INPP5A: variants seen among roughly 807,000 people sequenced by gnomAD.
The protein encoded by INPP5A is 43 kDa inositol polyphosphate 5-phophatase.
Under a neutral mutation model 65.2 loss-of-function variants are expected in INPP5A, and 14 were observed. The observed-to-expected ratio is 0.21, with a 90% CI of 0.14 to 0.34. INPP5A has a LOEUF of 0.34. Ranked by LOEUF, INPP5A falls within the 10% of genes least tolerant of loss-of-function variation. The pLI is 1.00. For synonymous variants in INPP5A, 207 were observed against 208.3 expected (o/e 0.99, Z 0.05); for missense variants, 431 against 545.6 (o/e 0.79, Z 2.09).
At chr10:132,759,770 C>T (rs1024587979) in intron 11 of INPP5A, among the ~76,000 whole-genome samples, 7 of 152,222 alleles carry the variant, frequency 4.6e-5, no homozygotes, top group East Asian at 1.9e-4. Context: ...GCAGGAGCCC[C>T]GGCCCCATGC....
intron 6 of INPP5A, among the ~76,000 whole-genome samples, chr10:132,703,704 T>TC (rs1384330490): frequency 4.6e-5 from 3 of 65,312 alleles, no homozygotes; most frequent in Admixed American, 2.4e-4. Flanking sequence ...ACATGCGGCT[T>TC]CACCCCCCCC....
chr10:132,709,382 G>A (rs1395460159), intron 7 of INPP5A, among the ~76,000 whole-genome samples: 4 of 132,470 alleles, frequency 3.0e-5, no homozygotes. Context: ...TGGGGAGGGG[G>A]AAGAGAGGAG....
intron 1 of INPP5A, among the ~76,000 whole-genome samples, chr10:132,573,981 G>A (rs13377163): frequency 1.6e-5 from 2 of 127,318 alleles, no homozygotes; most frequent in South Asian, 2.7e-4. Context: ...TGAGATGTTG[G>A]GGTGTACGTG....
Position 132,555,357 on chromosome 10 carries a change from G to A in INPP5A, c.75+17186G>A, listed in dbSNP as rs1425045489. On this transcript the variant is annotated intron_variant, in intron 1 of 15. Coordinates refer to ENST00000368594, the MANE Select transcript of INPP5A (RefSeq NM_005539.5). This position sits in a 1 kb window ranked among gnomAD's most constrained non-coding sequence, Gnocchi z 4.4. Reference sequence around the variant, plus strand: ...TGAGTACGTTCACCCCATTTTACAGGCGCTGGCCCAGTGGAGCTGCTGGGG... The same window carrying A: ...TGAGTACGTTCACCCCATTTTACAGACGCTGGCCCAGTGGAGCTGCTGGGG... Among the ~76,000 whole-genome samples, 1 of 152,082 alleles carries A rather than the reference G, an allele frequency of 6.6e-6. No individual in the cohort carries two copies. Among genetic ancestry groups the A allele is most frequent in the African/African-American group, 2.4e-5 (1 of 41,392 alleles).
rs1272959218 is a variant in INPP5A at position 132,587,617 on chromosome 10, T to A, written c.76-20298T>A. On this transcript the variant is annotated intron_variant, in intron 1 of 15. Coordinates refer to ENST00000368594, the MANE Select transcript of INPP5A (RefSeq NM_005539.5). This position sits in a 1 kb window ranked among gnomAD's most constrained non-coding sequence, Gnocchi z 4.3. ...CCTCTTTGTTGTTTGTATGCCGTGC[T>A]CAGAAGCTAGCCAGAGGATTCCGTT... Among the ~76,000 whole-genome samples the A allele has an allele frequency of 6.6e-6, 1 of 152,194 alleles. No individual in the cohort carries two copies. Among genetic ancestry groups the A allele is most frequent in the Non-Finnish European group, 1.5e-5 (1 of 68,028 alleles).
At chr10:132,771,301 C>T (rs964297978) in intron 12 of INPP5A, among the ~76,000 whole-genome samples, 1 of 152,234 alleles carries the variant, frequency 6.6e-6, no homozygotes, top group Non-Finnish European at 1.5e-5. Context: ...ATCATTTCTC[C>T]TGCTTCCCTC....
intron 6 of INPP5A, among the ~76,000 whole-genome samples, chr10:132,699,778 C>T (rs948908041): frequency 2.0e-5 from 3 of 152,180 alleles, no homozygotes; most frequent in East Asian, 1.9e-4. Flanking sequence ...CTCTCAGCCC[C>T]GCCCCGAAGC....
At chr10:132,781,800 C>T (rs532149127) in intron 14 of INPP5A, 61 bp from the exon 15 acceptor site, 17 of 1,383,100 alleles carry the variant, frequency 1.2e-5, no homozygotes, top group African/African-American at 5.7e-5. Context: ...CGGGAGGCGG[C>T]GGCATGTGCT....
chr10:132,548,255 A>C (rs1172356749), intron 1 of INPP5A, among the ~76,000 whole-genome samples: 1 of 151,960 alleles, frequency 6.6e-6, no homozygotes, highest in Non-Finnish European at 1.5e-5. Context: ...AGGGAGTTGG[A>C]GGAGCTGTGG....
Position 132,727,102 on chromosome 10 carries a change from G to A in INPP5A, c.732+197G>A, listed in dbSNP as rs552635778. The A allele has an allele frequency of 8.1e-5, 35 of 433,654 alleles. 1 individual carries two copies. The South Asian group carries it at 1.3e-3, about 16-fold the overall frequency. The allele number at this position is 433,654 out of a possible 1,614,324, so 26.9% of individuals were successfully genotyped here. ...ATCCGTGTTGGAATCCGGGGTGCGCGGGCCCTCAAGGTTGCCCCGGATGGC... is the reference window on the plus strand; with the variant it reads ...ATCCGTGTTGGAATCCGGGGTGCGCAGGCCCTCAAGGTTGCCCCGGATGGC... On this transcript the variant is annotated intron_variant, in intron 9 of 15. Coordinates refer to ENST00000368594, the MANE Select transcript of INPP5A (RefSeq NM_005539.5). The surrounding 1 kb of genome is among the most constrained non-coding windows in gnomAD (Gnocchi z 6.5).
chr10:132,553,110 G>A (rs2071076729), intron 1 of INPP5A, among the ~76,000 whole-genome samples: 1 of 136,220 alleles, frequency 7.3e-6, no homozygotes, highest in South Asian at 2.5e-4. Context: ...CCTTCTCAGA[G>A]CCTTGGTGGA....
At chr10:132,569,018 C>A (rs112604712) in intron 1 of INPP5A, among the ~76,000 whole-genome samples, 1 of 150,162 alleles carries the variant, frequency 6.7e-6, no homozygotes, top group Non-Finnish European at 1.5e-5. Context: ...TGGATTCGAG[C>A]GATTCTCCTG....
chr10:132,701,380 A>T (rs1268232897), intron 6 of INPP5A, among the ~76,000 whole-genome samples: 1 of 152,194 alleles, frequency 6.6e-6, no homozygotes. Flanking sequence ...CAGGCTCCTG[A>T]GGGCTCCCCA....
At chr10:132,552,358 C>T (rs1393091014) in intron 1 of INPP5A, among the ~76,000 whole-genome samples, 1 of 144,766 alleles carries the variant, frequency 6.9e-6, no homozygotes, top group Non-Finnish European at 1.5e-5. Context: ...TGGTGAACAC[C>T]TCCTCAGAGC....
At position 132,775,312 on chromosome 10, in the gene INPP5A, C is replaced by T. The variant is rs531015043; in HGVS notation, c.978-2359C>T. On this transcript the variant is annotated intron_variant, in intron 12 of 15. Coordinates refer to ENST00000368594, the MANE Select transcript of INPP5A (RefSeq NM_005539.5). The stretch of plus-strand genomic sequence containing the variant: ...CGCTCCCACGCTGTAGGCGCAGGTG[C>T]GCCCCTGTCCTGTGTGCCTCCCCCC... 7.9e-5 allele frequency among the ~76,000 whole-genome samples: 12 copies of T among 152,064 alleles called. No individual in the cohort carries two copies. In the South Asian group the frequency reaches 8.3e-4, roughly 10 times the overall value.
At chr10:132,687,301 C>G (rs980082475) in intron 4 of INPP5A, among the ~76,000 whole-genome samples, 1 of 152,236 alleles carries the variant, frequency 6.6e-6, no homozygotes, top group Non-Finnish European at 1.5e-5. Flanking sequence ...GGGTTCTGAG[C>G]AGGTTCACAG....
At chr10:132,777,602 C>T (rs910123873) in intron 12 of INPP5A, 69 bp from the exon 13 acceptor site, 2 of 1,407,396 alleles carry the variant, frequency 1.4e-6, no homozygotes, top group African/African-American at 1.4e-5. Context: ...AGAATCGGCA[C>T]AGCCGTCCCT....
chr10:132,662,690 G>A (rs2072751774), intron 4 of INPP5A, among the ~76,000 whole-genome samples: 3 of 152,154 alleles, frequency 2.0e-5, no homozygotes, highest in Admixed American at 2.0e-4. Flanking sequence ...TGGCCGAGGT[G>A]AGGATGCTGG....
At chr10:132,607,979 C>A in intron 2 of INPP5A, 23 bp downstream of exon 2, 2 of 1,609,156 alleles carry the variant, frequency 1.2e-6, no homozygotes, top group Non-Finnish European at 1.7e-6. Context: ...GAAACGTGTT[C>A]TTTTGGATTC....
Sources: gnomAD v4.1 joint callset for allele counts (sites outside exome capture counted in the v4.1 genomes callset) on GRCh38, gnomAD v4.1.1 for gene constraint, Gnocchi (gnomAD v3.1) non-coding constraint, MANE v1.5 for transcripts, NCBI Gene and HGNC (gene_info 2026-07-23, HGNC 2026-07-21) for gene names.